The following NOX3 variants were observed in gnomAD, a reference collection of about 807,000 sequenced individuals.
NOX3 encodes NADPH oxidase catalytic subunit-like 3.
NOX3 carries 74 observed loss-of-function variants against 76.7 expected under a neutral mutation model. The observed-to-expected ratio is 0.96, with a 90% CI of 0.80 to 1.17. The LOEUF is 1.17. Ranked by LOEUF, NOX3 falls within the 50% of genes most tolerant of loss-of-function variation. NOX3 has a pLI of 0.00. For synonymous variants in NOX3, 263 were observed against 261.1 expected, an observed-to-expected ratio of 1.01 and a Z score of -0.07; for missense variants, 695 against 703.3, an observed-to-expected ratio of 0.99 and a Z score of 0.13.
At chr6:155,440,850 A>AT (rs35434317) in intron 5 of NOX3, among the ~76,000 whole-genome samples, 24,882 of 152,090 alleles carry the variant, frequency 0.16, 2,319 homozygotes, top group East Asian at 0.33. Context: ...TAATAAACAC[A>AT]TTTTTTTGAG....
chr6:155,447,961 C>T (rs1777085210), intron 4 of NOX3, among the ~76,000 whole-genome samples: 2 of 152,192 alleles, frequency 1.3e-5, no homozygotes, highest in South Asian at 4.2e-4. Flanking sequence ...TATAAGTAGC[C>T]ATGCTGTTTA....
At chr6:155,432,851 C>T (rs530841202) in intron 7 of NOX3, among the ~76,000 whole-genome samples, 1 of 152,258 alleles carries the variant, frequency 6.6e-6, no homozygotes, top group East Asian at 1.9e-4. Flanking sequence ...TAAGGGAAAT[C>T]TAGGAAGCGT....
chr6:155,416,123 C>T (rs1335933895), intron 10 of NOX3, among the ~76,000 whole-genome samples: 1 of 152,242 alleles, frequency 6.6e-6, no homozygotes, highest in Non-Finnish European at 1.5e-5. Flanking sequence ...CAGGGGCCCA[C>T]CTTGACCATC....
At chr6:155,417,241 A>G (rs1776632638) in intron 10 of NOX3, among the ~76,000 whole-genome samples, 1 of 152,212 alleles carries the variant, frequency 6.6e-6, no homozygotes, top group Admixed American at 6.5e-5. Context: ...ACCCCTATTT[A>G]TGCATGAATG....
rs187545200 is a variant in NOX3 at position 155,427,950 on chromosome 6, G to A, written c.1145+844C>T. Among the ~76,000 whole-genome samples the A allele has an allele frequency of 2.8e-3, 431 of 152,184 alleles. 2 individuals are homozygous for A. Among genetic ancestry groups the A allele is most frequent in the African/African-American group, 9.8e-3 (405 of 41,504 alleles). The stretch of plus-strand genomic sequence containing the variant: ...AGGTCTCACTCTGTCACCCAGGCTG[G>A]AGTGCAGTGGCGCGATCTCGGCTCA... On this transcript the variant is annotated intron_variant, in intron 9 of 13. Coordinates refer to ENST00000159060, the MANE Select transcript of NOX3 (RefSeq NM_015718.3).
chr6:155,416,086 C>T (rs1466728626), intron 10 of NOX3, among the ~76,000 whole-genome samples: 5 of 152,196 alleles, frequency 3.3e-5, no homozygotes, highest in African/African-American at 1.2e-4. Flanking sequence ...GTGTGCTAAA[C>T]TCACCTAGAG....
Position 155,455,735 on chromosome 6 carries a change from A to G in NOX3, c.48+18T>C, listed in dbSNP as rs1777205861. 1 of 1,599,704 alleles carries G rather than the reference A, an allele frequency of 6.3e-7. No homozygotes were observed. Among genetic ancestry groups the G allele is most frequent in the Non-Finnish European group, 8.6e-7 (1 of 1,167,096 alleles). On this transcript the variant is annotated intron_variant, in intron 1 of 13. Transcript: ENST00000159060. ...TCAATCTATATATTTAAAGTTGAAT[A>G]ACAAAAATGATACTTACTACTAATA... is the stretch of plus-strand genomic sequence containing the variant.
rs1255678615 is a variant in NOX3, at chr6:155,422,729, A to G, written c.1273T>C (p.Cys425Arg). The G allele has an allele frequency of 1.1e-5, 17 of 1,613,994 alleles. No homozygotes were observed. The highest frequency in any genetic ancestry group is 4.0e-5 in the African/African-American group (3 of 74,906). ...TTCAGTGGGGTCTGTGCCTCACTGC[A>G]TTTGTACCATATAGATTTCAGAAGA... ...AALLKSIWYK[C>R]SEAQTPLKLS... Residue 425 changes from cysteine to arginine, a missense_variant, in exon 10 of 14, where the codon TGC becomes CGC. Coordinates refer to ENST00000159060, the MANE Select transcript of NOX3 (RefSeq NM_015718.3).
At chr6:155,450,528 G>A (rs139892698) in intron 4 of NOX3, among the ~76,000 whole-genome samples, 27 of 152,310 alleles carry the variant, frequency 1.8e-4, no homozygotes, top group African/African-American at 6.5e-4. Flanking sequence ...CAGCCAAGAG[G>A]CGTAAGGCAC....
chr6:155,452,254 G>C (rs1777155123), intron 4 of NOX3, among the ~76,000 whole-genome samples: 1 of 152,120 alleles, frequency 6.6e-6, no homozygotes, highest in Non-Finnish European at 1.5e-5. Context: ...TTCCATTCCT[G>C]AGCCAAAATT....
At chr6:155,449,069 T>C (rs1777101524) in intron 4 of NOX3, among the ~76,000 whole-genome samples, 1 of 152,082 alleles carries the variant, frequency 6.6e-6, no homozygotes, top group Admixed American at 6.5e-5. Flanking sequence ...GGGGAACTGG[T>C]TAGGAGCAAT....
intron 1 of NOX3, 24 bp from the exon 2 acceptor site, chr6:155,455,153 C>A (rs776811878): frequency 1.6e-5 from 24 of 1,463,606 alleles, no homozygotes; most frequent in Admixed American, 1.2e-4. Context: ...GAAAGAGAAC[C>A]AATGATTACT....
At chr6:155,447,814 C>T (rs186576517) in intron 4 of NOX3, among the ~76,000 whole-genome samples, 2 of 152,306 alleles carry the variant, frequency 1.3e-5, no homozygotes, top group African/African-American at 2.4e-5. Context: ...GCAATCTTGG[C>T]TTGGAGCTAA....
In NOX3 at chr6:155,411,340, G is replaced by A. The variant is rs1301951479; in HGVS notation, c.1329C>T (p.Cys443=). 2.5e-6 allele frequency: 4 copies of A among 1,613,460 alleles called. No individual in the cohort carries two copies. In the African/African-American group the frequency reaches 5.3e-5, roughly 22 times the overall value. The change falls in exon 11 of 14, where the codon TGC becomes TGT. Residue 443 remains cysteine (C), a synonymous_variant. Transcript: ENST00000159060. ...ACCACTCAAAAGCTCTTGCATCCCG[G>A]CAAATCCAGTAGAAATACACCTGTC... ...KLSKVYFYWI[C]RDARAFEWFA...
intron 9 of NOX3, among the ~76,000 whole-genome samples, chr6:155,427,665 C>A (rs1368992614): frequency 6.6e-6 from 1 of 152,214 alleles, no homozygotes; most frequent in Non-Finnish European, 1.5e-5. Flanking sequence ...AAGTAGGAAT[C>A]TCTTGATGCT....
chr6:155,427,561 C>A (rs1776773754), intron 9 of NOX3, among the ~76,000 whole-genome samples: 1 of 152,262 alleles, frequency 6.6e-6, no homozygotes, highest in Non-Finnish European at 1.5e-5. Context: ...CCCTCAGGAA[C>A]TTCCATTTGA....
chr6:155,453,508 T>A lies in NOX3; in HGVS notation c.256-20A>T. 1 of 1,577,438 alleles carries A rather than the reference T, an allele frequency of 6.3e-7. No homozygotes were observed. The highest frequency in any genetic ancestry group is 8.7e-7 in the Non-Finnish European group (1 of 1,147,034). ...GCAGCACTAGAGTAACAAAAAAATA[T>A]GCCTGATTTATGGAAAAATTGCAGT... On this transcript the variant is annotated intron_variant, in intron 3 of 13. Transcript: ENST00000159060.
intron 9 of NOX3, among the ~76,000 whole-genome samples, chr6:155,426,270 C>T (rs1438640316): frequency 1.3e-5 from 2 of 152,272 alleles, no homozygotes; most frequent in South Asian, 2.1e-4. Flanking sequence ...CCCATAATGA[C>T]TTACTGAGTG....
intron 4 of NOX3, among the ~76,000 whole-genome samples, chr6:155,447,283 C>T (rs542505769): frequency 5.9e-5 from 9 of 152,242 alleles, no homozygotes; most frequent in African/African-American, 2.2e-4. Context: ...GCAATCTGCC[C>T]TCCTTGGCCT....
Sources: allele counts gnomAD v4.1 joint callset (sites outside exome capture counted in the v4.1 genomes callset), GRCh38; gene constraint gnomAD v4.1.1; transcripts MANE v1.5; gene names NCBI Gene and HGNC (gene_info 2026-07-23, HGNC 2026-07-21).